Variants in ZBTB20 observed in about 807,000 individuals in gnomAD.
ZBTB20 encodes zinc finger and BTB domain containing 20, also known as zinc finger and BTB domain-containing protein 20.
In ZBTB20, 9 loss-of-function variants were observed where a neutral mutation model predicts 56.9. The observed-to-expected ratio is 0.16, with a 90% confidence interval of 0.10 to 0.28. ZBTB20 has a LOEUF of 0.28. ZBTB20 is among the 10% of genes least tolerant of loss of function. ZBTB20 has a pLI of 1.00. For synonymous variants in ZBTB20, 417 were observed against 420.7 expected, an observed-to-expected ratio of 0.99 and a Z score of 0.11; for missense variants, 655 against 1,003.0, an observed-to-expected ratio of 0.65 and a Z score of 4.69.
At chr3:114,470,974 T>C (rs1403561282) in intron 7 of ZBTB20, among the ~76,000 whole-genome samples, 2 of 152,232 alleles carry the variant, frequency 1.3e-5, no homozygotes, top group Admixed American at 6.5e-5. Flanking sequence ...AAATCTTGTC[T>C]TTTATTATCC....
chr3:114,931,210 G>C (rs2076348715), intron 3 of ZBTB20: 1 of 201,564 alleles, frequency 5.0e-6, no homozygotes, highest in African/African-American at 2.3e-5. Context: ...TATTTGTATG[G>C]TTTATAGACC....
At chr3:114,751,894 G>T (rs1560207547) in intron 5 of ZBTB20, among the ~76,000 whole-genome samples, 1 of 152,080 alleles carries the variant, frequency 6.6e-6, no homozygotes, top group Admixed American at 6.6e-5. Context: ...CCCGCTCTCA[G>T]TAAGAAATGT....
chr3:114,452,549 A>G, intron 7 of ZBTB20, among the ~76,000 whole-genome samples: 1 of 152,122 alleles, frequency 6.6e-6, no homozygotes, highest in East Asian at 1.9e-4. Flanking sequence ...CTTGTTATCA[A>G]GTTACTTCAA....
At chr3:114,489,213 C>T (rs1056037945) in intron 7 of ZBTB20, among the ~76,000 whole-genome samples, 2 of 151,962 alleles carry the variant, frequency 1.3e-5, no homozygotes, top group Non-Finnish European at 2.9e-5. Context: ...AAAGAACTTA[C>T]CTAAAACCTG....
In ZBTB20 at chr3:114,334,862, T is replaced by C. The variant is rs1418291567; in HGVS notation, c.*4143A>G. ...CTCAATTAAAAGATACAGGAAACCA[T>C]TTTGATACAGAGATTTTCATTTCAG... On this transcript the variant is annotated 3_prime_UTR_variant, in exon 12 of 12. Transcript: ENST00000675478. 6.6e-6 allele frequency: 1 copy of C among 152,236 alleles called. No individual in the cohort carries two copies. Among genetic ancestry groups the C allele is most frequent in the Non-Finnish European group, 1.5e-5 (1 of 68,050 alleles). The allele number at this position is 152,236 out of a possible 1,614,324, so 9.4% of individuals were successfully genotyped here. A position where few individuals can be genotyped will look rare whatever the true frequency, so the allele number is the denominator to read the frequency against.
chr3:114,624,629 A>T (rs540545518), intron 6 of ZBTB20, among the ~76,000 whole-genome samples: 6 of 152,222 alleles, frequency 3.9e-5, no homozygotes, highest in African/African-American at 1.4e-4. Flanking sequence ...AATTTTGTGC[A>T]GAGGCTGCTT....
chr3:114,582,717 C>A (rs893911167), intron 6 of ZBTB20, among the ~76,000 whole-genome samples: 1 of 152,114 alleles, frequency 6.6e-6, no homozygotes, highest in African/African-American at 2.4e-5. Flanking sequence ...ATGTATAAGG[C>A]AAACACCATA....
At chr3:114,869,987 A>C (rs76895769) in intron 4 of ZBTB20, among the ~76,000 whole-genome samples, 3,653 of 152,312 alleles carry the variant, frequency 0.024, 53 homozygotes, top group South Asian at 0.051. Flanking sequence ...CAATCCTTGA[A>C]ATCTCAGCAG....
chr3:114,792,509 T>C (rs12490319), intron 5 of ZBTB20, among the ~76,000 whole-genome samples: 102,041 of 152,114 alleles, frequency 0.67, 39,477 homozygotes, highest in East Asian at 0.96. Context: ...CAGGTAGCAT[T>C]GCTTCTAATT....
At chr3:114,784,518 C>T (rs1469324304) in intron 5 of ZBTB20, among the ~76,000 whole-genome samples, 1 of 152,138 alleles carries the variant, frequency 6.6e-6, no homozygotes, top group Non-Finnish European at 1.5e-5. Context: ...TGAAAATGTC[C>T]TCAAGATACA....
At chr3:114,562,247 C>A (rs2052162597) in intron 6 of ZBTB20, among the ~76,000 whole-genome samples, 1 of 151,796 alleles carries the variant, frequency 6.6e-6, no homozygotes, top group Non-Finnish European at 1.5e-5. Flanking sequence ...TCACTGCAAC[C>A]TCCGCCTCCC....
At chr3:114,747,442 C>A (rs977663549) in intron 5 of ZBTB20, among the ~76,000 whole-genome samples, 1 of 152,042 alleles carries the variant, frequency 6.6e-6, no homozygotes, top group Non-Finnish European at 1.5e-5. Flanking sequence ...TGGTACACAC[C>A]TGTAATCCCA....
intron 6 of ZBTB20, among the ~76,000 whole-genome samples, chr3:114,634,027 A>G (rs2059118399): frequency 1.3e-5 from 2 of 152,176 alleles, no homozygotes; most frequent in South Asian, 4.2e-4. Context: ...TACCTCATTG[A>G]TTTACATTAT....
At chr3:114,606,147 C>T (rs1159495384) in intron 6 of ZBTB20, among the ~76,000 whole-genome samples, 1 of 152,214 alleles carries the variant, frequency 6.6e-6, no homozygotes, top group African/African-American at 2.4e-5. Context: ...ATGAGCAGCA[C>T]TATTCCAAAT....
At chr3:115,046,117 G>C (rs146957745) in intron 2 of ZBTB20, among the ~76,000 whole-genome samples, 1 of 152,188 alleles carries the variant, frequency 6.6e-6, no homozygotes, top group East Asian at 1.9e-4. Flanking sequence ...TACTGAATTC[G>C]AGATGGCTCT....
rs141785078 is a variant in ZBTB20 at position 114,635,946 on chromosome 3, G to A, written c.-295+57582C>T. The stretch of plus-strand genomic sequence containing the variant: ...AGAAATCAACATCCAGATTCATGAA[G>A]TCCAAAGAGCTCCAAAGATCTACAC... On this transcript the variant is annotated intron_variant, in intron 6 of 11. Coordinates refer to ENST00000675478, the MANE Select transcript of ZBTB20 (RefSeq NM_001348800.3). 1.2e-3 allele frequency among the ~76,000 whole-genome samples: 170 copies of A among 147,718 alleles called. 1 individual carries two copies. The highest frequency in any genetic ancestry group is 7.5e-3 in the South Asian group (34 of 4,554).
rs537414234 is a variant in ZBTB20, at chr3:114,630,305, C to A, written c.-295+63223G>T. On this transcript the variant is annotated intron_variant, in intron 6 of 11. Transcript: ENST00000675478. ...TGGACCCCTGGACCAGGATCCAGAC[C>A]TTGTTGGACAACACACAGCCATAAC... Among the ~76,000 whole-genome samples the A allele has an allele frequency of 3.6e-3, 545 of 152,238 alleles. 7 individuals carry two copies. Among genetic ancestry groups the A allele is most frequent in the African/African-American group, 0.012 (518 of 41,550 alleles).
intron 11 of ZBTB20, among the ~76,000 whole-genome samples, chr3:114,346,720 ATG>A (rs1491083596): frequency 0.015 from 2,078 of 141,684 alleles, 48 homozygotes; most frequent in African/African-American, 0.051. Context: ...GAGTCCTGCT[ATG>A]TTGCCCGGGG....
At chr3:114,355,505 C>T (rs2081158217) in intron 10 of ZBTB20, among the ~76,000 whole-genome samples, 1 of 152,224 alleles carries the variant, frequency 6.6e-6, no homozygotes, top group African/African-American at 2.4e-5. Flanking sequence ...CCCATTCAAG[C>T]ATGCCTCATT....
Sources: allele counts gnomAD v4.1 joint callset (sites outside exome capture counted in the v4.1 genomes callset), GRCh38; gene constraint gnomAD v4.1.1; transcripts MANE v1.5; gene names NCBI Gene and HGNC (gene_info 2026-07-23, HGNC 2026-07-21).